Variants in WDR70 observed in about 807,000 individuals in gnomAD.
WDR70 encodes the protein WD repeat-containing protein 70.
In WDR70, 53 loss-of-function variants were observed where a neutral mutation model predicts 88.6. The observed-to-expected ratio is 0.60, with a 90% CI of 0.48 to 0.75. The LOEUF is 0.75. Among genes scored for constraint, WDR70 ranks in the 30% least tolerant of loss-of-function variants. WDR70 has a pLI of 0.00. For synonymous variants in WDR70, 280 were observed against 270.0 expected (o/e 1.04, Z -0.36); for missense variants, 610 against 823.2 (o/e 0.74, Z 3.17).
intron 8 of WDR70, among the ~76,000 whole-genome samples, chr5:37,500,985 C>T (rs1489912473): frequency 3.3e-5 from 5 of 152,184 alleles, no homozygotes; most frequent in Admixed American, 2.0e-4. Flanking sequence ...GTGATCAGCC[C>T]GCCTTGGCCT....
intron 10 of WDR70, among the ~76,000 whole-genome samples, chr5:37,630,808 T>A (rs144726559): frequency 6.6e-6 from 1 of 152,250 alleles, no homozygotes; most frequent in East Asian, 1.9e-4. Flanking sequence ...ATTCCAGAGG[T>A]GCCTCAGGTA....
chr5:37,742,230 C>T (rs1257243863), intron 17 of WDR70, among the ~76,000 whole-genome samples: 1 of 148,718 alleles, frequency 6.7e-6, no homozygotes, highest in Non-Finnish European at 1.5e-5. Flanking sequence ...TCCAGTTTCT[C>T]TGCATCCTGG....
intron 10 of WDR70, among the ~76,000 whole-genome samples, chr5:37,648,304 T>C (rs1180515875): frequency 6.6e-6 from 1 of 152,104 alleles, no homozygotes; most frequent in Non-Finnish European, 1.5e-5. Context: ...TTTGGCTGGG[T>C]TCTATCTCCA....
At chr5:37,675,650 T>C (rs577852521) in intron 10 of WDR70, among the ~76,000 whole-genome samples, 20 of 152,284 alleles carry the variant, frequency 1.3e-4, no homozygotes, top group African/African-American at 4.6e-4. Context: ...TGTACTATAG[T>C]TTGAAGTCAG....
At chr5:37,670,965 C>T (rs1458716766) in intron 10 of WDR70, among the ~76,000 whole-genome samples, 1 of 152,164 alleles carries the variant, frequency 6.6e-6, no homozygotes, top group Non-Finnish European at 1.5e-5. Flanking sequence ...ATTGTCCTTC[C>T]TACAGGTCTC....
At chr5:37,449,601 AAATAAAAAAT>A (rs202028111) in intron 7 of WDR70, among the ~76,000 whole-genome samples, 32,888 of 80,746 alleles carry the variant, frequency 0.41, 4,849 homozygotes, top group East Asian at 0.52. Context: ...AAAAAAAAAA[AAATAAAAAAT>A]AAAAAATAAA....
intron 9 of WDR70, among the ~76,000 whole-genome samples, chr5:37,576,647 C>T (rs1293100722): frequency 6.6e-6 from 1 of 151,886 alleles, no homozygotes; most frequent in South Asian, 2.1e-4. Flanking sequence ...GCTTTCTTAC[C>T]CTCCAGTGTA....
chr5:37,398,365 G>A (rs533875469), intron 5 of WDR70, among the ~76,000 whole-genome samples: 1 of 151,290 alleles, frequency 6.6e-6, no homozygotes, highest in African/African-American at 2.4e-5. Flanking sequence ...TGGGACAGGC[G>A]TGAGCCACTG....
In WDR70 at chr5:37,611,781, CTTTT is replaced by C. The variant is rs66689730; in HGVS notation, c.1092+6555_1092+6558del. ...CCTTTGAGATTATTTTGATTTCAGC[CTTTT>C]TTTTTTTTTTTAAAAAAAAACTTCT... On this transcript the variant is annotated intron_variant, in intron 10 of 17. Transcript: ENST00000265107. Among the ~76,000 whole-genome samples the C allele has an allele frequency of 1.6e-3, 197 of 126,868 alleles. 1 individual carries two copies. The highest frequency in any genetic ancestry group is 4.8e-3 in the African/African-American group (172 of 35,656). The allele number at this position is 126,868 out of a possible 152,430, so 83.2% of individuals were successfully genotyped here.
At chr5:37,524,203 G>A (rs1276419320) in intron 9 of WDR70, among the ~76,000 whole-genome samples, 1 of 152,070 alleles carries the variant, frequency 6.6e-6, no homozygotes, top group African/African-American at 2.4e-5. Flanking sequence ...TTGAAATGAA[G>A]GAAAAAATAT....
intron 10 of WDR70, among the ~76,000 whole-genome samples, chr5:37,685,520 A>C (rs1746563307): frequency 6.6e-6 from 1 of 152,090 alleles, no homozygotes; most frequent in Admixed American, 6.5e-5. Flanking sequence ...AGGCCAGCTG[A>C]CTTAGGGGTA....
intron 7 of WDR70, among the ~76,000 whole-genome samples, chr5:37,444,336 CT>C (rs70978817): frequency 8.5e-5 from 8 of 94,198 alleles, no homozygotes; most frequent in South Asian, 4.6e-4. Flanking sequence ...CAGCCTTTCT[CT>C]TTTTTTTTTT....
At chr5:37,528,977 T>C in intron 9 of WDR70, among the ~76,000 whole-genome samples, 2 of 148,818 alleles carry the variant, frequency 1.3e-5, no homozygotes, top group African/African-American at 4.9e-5. Context: ...AAATATTTGA[T>C]CATTTTGAGT....
chr5:37,441,808 ACT>A (rs922466339), intron 6 of WDR70, among the ~76,000 whole-genome samples: 3 of 151,986 alleles, frequency 2.0e-5, no homozygotes, highest in Admixed American at 6.6e-5. Flanking sequence ...ACAGAGTGAG[ACT>A]CTGTCTCAAA....
At chr5:37,387,674 C>G (rs1413525119) in intron 3 of WDR70, among the ~76,000 whole-genome samples, 1 of 150,228 alleles carries the variant, frequency 6.7e-6, no homozygotes, top group South Asian at 2.1e-4. Context: ...TAGTGTTCTT[C>G]CATACTTGGC....
chr5:37,728,358 A>C (rs1336584145), intron 17 of WDR70, among the ~76,000 whole-genome samples: 7 of 56,446 alleles, frequency 1.2e-4, no homozygotes, highest in East Asian at 9.0e-4. Flanking sequence ...CAAAAAAAAA[A>C]AAAAACAAAA....
chr5:37,613,608 T>C (rs1397689706), intron 10 of WDR70, among the ~76,000 whole-genome samples: 1 of 152,164 alleles, frequency 6.6e-6, no homozygotes, highest in Non-Finnish European at 1.5e-5. Context: ...GACCCTATAT[T>C]CCAGGCAAAG....
chr5:37,614,261 T>C (rs1481777279), intron 10 of WDR70, among the ~76,000 whole-genome samples: 1 of 152,152 alleles, frequency 6.6e-6, no homozygotes, highest in Admixed American at 6.5e-5. Flanking sequence ...GCAACGTTGT[T>C]GAGTCCTTCT....
chr5:37,442,539 T>C (rs1293345926), intron 6 of WDR70, among the ~76,000 whole-genome samples: 26 of 152,038 alleles, frequency 1.7e-4, no homozygotes, highest in Admixed American at 5.2e-4. Context: ...GCCAGGCTGG[T>C]CTCAAACTCC....
Sources: gnomAD v4.1 joint callset for allele counts (sites outside exome capture counted in the v4.1 genomes callset) on GRCh38, gnomAD v4.1.1 for gene constraint, MANE v1.5 for transcripts, NCBI Gene and HGNC (gene_info 2026-07-23, HGNC 2026-07-21) for gene names.